GRID2: variants seen among roughly 807,000 people sequenced by gnomAD.
GRID2 encodes glutamate ionotropic receptor delta type subunit 2.
In GRID2, 33 loss-of-function variants were observed where a neutral mutation model predicts 114.8. That is an observed-to-expected ratio of 0.29 (90% CI 0.22 to 0.38). The LOEUF (loss-of-function observed/expected upper bound fraction) is 0.38, where lower values mean the gene tolerates loss of function less well. Among genes scored for constraint, GRID2 ranks in the 10% least tolerant of loss-of-function variants. The pLI, the probability that GRID2 is intolerant of heterozygous loss-of-function variation, is 1.00. For missense variants in GRID2, 1,184 were observed against 1,257.7 expected (o/e 0.94, Z 0.89); for synonymous variants, 505 against 449.9 (o/e 1.12, Z -1.55).
intron 1 of GRID2, among the ~76,000 whole-genome samples, chr4:92,419,982 T>C (rs1462872097): frequency 2.6e-5 from 4 of 152,146 alleles, no homozygotes; most frequent in African/African-American, 9.7e-5. Context: ...GTCATTATTA[T>C]AAAGTATGAT....
intron 14 of GRID2, among the ~76,000 whole-genome samples, chr4:93,737,191 T>A (rs1293377495): frequency 6.6e-6 from 1 of 152,060 alleles, no homozygotes; most frequent in East Asian, 1.9e-4. Context: ...ATTGACAATA[T>A]CATGACTATA....
At chr4:92,360,482 A>C (rs1728561811) in intron 1 of GRID2, among the ~76,000 whole-genome samples, 1 of 151,976 alleles carries the variant, frequency 6.6e-6, no homozygotes, top group African/African-American at 2.4e-5. Flanking sequence ...GATTCTAGAC[A>C]TAGAATAATA....
chr4:93,776,322 C>T (rs185281668), downstream of GRID2, among the ~76,000 whole-genome samples: 32 of 152,296 alleles, frequency 2.1e-4, no homozygotes, highest in African/African-American at 7.0e-4. Context: ...TTTTAGAAGA[C>T]ACCCTCTTAT....
At chr4:92,518,117 C>G (rs1724592497) in intron 1 of GRID2, among the ~76,000 whole-genome samples, 1 of 151,952 alleles carries the variant, frequency 6.6e-6, no homozygotes, top group East Asian at 1.9e-4. Flanking sequence ...CATCTTCTCT[C>G]TCTTTCTCTC....
chr4:92,772,443 T>C (rs1486248186), intron 2 of GRID2, among the ~76,000 whole-genome samples: 1 of 152,128 alleles, frequency 6.6e-6, no homozygotes, highest in Non-Finnish European at 1.5e-5. Context: ...GTGAGACTTT[T>C]ACCTTCCCAC....
At chr4:93,411,046 C>T (rs991490966) in intron 9 of GRID2, among the ~76,000 whole-genome samples, 2 of 152,066 alleles carry the variant, frequency 1.3e-5, no homozygotes, top group African/African-American at 2.4e-5. Flanking sequence ...TCATTATCCA[C>T]GAGTACTATT....
intron 1 of GRID2, among the ~76,000 whole-genome samples, chr4:92,484,447 G>A (rs1031844450): frequency 4.6e-5 from 7 of 152,100 alleles, no homozygotes; most frequent in Non-Finnish European, 8.8e-5. Flanking sequence ...TATAGGAATT[G>A]TGAATATTAA....
chr4:93,324,835 T>G (rs937061112), intron 8 of GRID2, among the ~76,000 whole-genome samples: 10 of 152,218 alleles, frequency 6.6e-5, no homozygotes, highest in Non-Finnish European at 1.2e-4. Flanking sequence ...GAGGTGTTTA[T>G]AGTATTCTCT....
intron 2 of GRID2, among the ~76,000 whole-genome samples, chr4:92,803,452 G>A (rs985023235): frequency 6.6e-6 from 1 of 151,896 alleles, no homozygotes; most frequent in Non-Finnish European, 1.5e-5. Flanking sequence ...ATATTATTTT[G>A]ATGTCATTTT....
At chr4:93,407,757 GTCC>G (rs1417763940) in intron 9 of GRID2, among the ~76,000 whole-genome samples, 68 of 21,764 alleles carry the variant, frequency 3.1e-3, no homozygotes, top group Admixed American at 6.9e-3. Context: ...CCTCCTCCTC[GTCC>G]TCCTCCTCCT....
intron 1 of GRID2, among the ~76,000 whole-genome samples, chr4:92,564,359 G>T (rs2149185245): frequency 6.6e-6 from 1 of 152,048 alleles, no homozygotes; most frequent in Admixed American, 6.6e-5. Flanking sequence ...AAAAATCATT[G>T]TTGCCCCTGA....
Position 92,705,210 on chromosome 4 carries a change from A to G in GRID2, c.244+114924A>G, listed in dbSNP as rs189279202. On this transcript the variant is annotated intron_variant, in intron 2 of 15. Coordinates refer to ENST00000282020, the MANE Select transcript of GRID2 (RefSeq NM_001510.4). ...TGCTCTGAATTTATTATTCTAAACC[A>G]AAAGAAAAAAATCCATCAAATAATC... is the stretch of plus-strand genomic sequence containing the variant. Among the ~76,000 whole-genome samples the G allele has an allele frequency of 6.5e-3, 991 of 152,280 alleles. 10 individuals carry two copies. Among genetic ancestry groups the G allele is most frequent in the African/African-American group, 0.023 (941 of 41,532 alleles).
chr4:92,450,286 A>C (rs778158446), intron 1 of GRID2, among the ~76,000 whole-genome samples: 1 of 152,080 alleles, frequency 6.6e-6, no homozygotes, highest in Non-Finnish European at 1.5e-5. Context: ...AATTTCCTGA[A>C]GTAGAATGCA....
intron 1 of GRID2, among the ~76,000 whole-genome samples, chr4:92,323,898 T>C (rs1286291641): frequency 5.9e-5 from 9 of 152,038 alleles, no homozygotes; most frequent in Non-Finnish European, 1.3e-4. Context: ...GAATACTCTA[T>C]GAATTTTTAC....
At chr4:92,948,323 C>T (rs1165846332) in intron 2 of GRID2, among the ~76,000 whole-genome samples, 5 of 151,848 alleles carry the variant, frequency 3.3e-5, no homozygotes, top group Non-Finnish European at 3.0e-5. Flanking sequence ...AAGAATAAAG[C>T]ATTTATGGCT....
At chr4:93,537,038 T>TA (rs201768842) in intron 13 of GRID2, among the ~76,000 whole-genome samples, 4,638 of 151,734 alleles carry the variant, frequency 0.031, 112 homozygotes, top group Non-Finnish European at 0.048. Flanking sequence ...ACTCAATATC[T>TA]AAAAAAATCC....
chr4:93,467,186 T>A (rs1724365298), intron 11 of GRID2, among the ~76,000 whole-genome samples: 1 of 152,240 alleles, frequency 6.6e-6, no homozygotes, highest in Non-Finnish European at 1.5e-5. Context: ...GAACATGCCA[T>A]GCCAGATTGC....
intron 2 of GRID2, among the ~76,000 whole-genome samples, chr4:92,876,276 TTTA>T (rs1197403401): frequency 6.7e-5 from 10 of 149,420 alleles, no homozygotes; most frequent in African/African-American, 9.8e-5. Flanking sequence ...ATCTTTTTTT[TTTA>T]TTATTTTATT....
intron 8 of GRID2, among the ~76,000 whole-genome samples, chr4:93,322,034 A>ATTTTTTTTTT (rs1757275552): frequency 6.8e-6 from 1 of 148,022 alleles, no homozygotes; most frequent in African/African-American, 2.5e-5. Flanking sequence ...ATTTTTTCTT[A>ATTTTTTTTTT]TTTCTTTTTT....
Sources: allele counts gnomAD v4.1 joint callset (sites outside exome capture counted in the v4.1 genomes callset), GRCh38; gene constraint gnomAD v4.1.1; transcripts MANE v1.5; gene names NCBI Gene and HGNC (gene_info 2026-07-23, HGNC 2026-07-21).